The following RUFY3 variants were observed in gnomAD, a reference collection of about 807,000 sequenced individuals.
RUFY3 encodes the protein protein RUFY3.
RUFY3 carries 34 observed loss-of-function variants against 84.0 expected under a neutral mutation model. The observed-to-expected ratio is 0.40, with a 90% CI of 0.31 to 0.54. RUFY3 has a LOEUF of 0.54. Among genes scored for constraint, RUFY3 ranks in the 20% least tolerant of loss-of-function variants. The probability of loss-of-function intolerance (pLI) is 0.39; values close to 1 mark genes in which losing one functional copy is unlikely to be tolerated. For missense variants in RUFY3, 507 were observed against 736.8 expected (o/e 0.69, Z 3.61); for synonymous variants, 242 against 252.9 (o/e 0.96, Z 0.41).
chr4:70,795,828 A>G (rs1731432147), intron 14 of RUFY3, among the ~76,000 whole-genome samples: 1 of 152,188 alleles, frequency 6.6e-6, no homozygotes, highest in Non-Finnish European at 1.5e-5. Flanking sequence ...ATGTTTTAAG[A>G]TTAGGAAACA....
chr4:70,790,209 T>C (rs1730576286), intron 12 of RUFY3: 1 of 152,266 alleles, frequency 6.6e-6, no homozygotes, highest in Admixed American at 6.5e-5. Context: ...TACAATTCAG[T>C]CTGCCCAAAG....
At chr4:70,710,445 C>T (rs969448673) in intron 1 of RUFY3, among the ~76,000 whole-genome samples, 3 of 152,062 alleles carry the variant, frequency 2.0e-5, no homozygotes, top group South Asian at 2.1e-4. Context: ...CCAAGGCAGG[C>T]GGATCACCTG....
At chr4:70,731,840 T>C (rs973772676) in intron 1 of RUFY3, among the ~76,000 whole-genome samples, 8 of 152,182 alleles carry the variant, frequency 5.3e-5, no homozygotes, top group African/African-American at 1.7e-4. Flanking sequence ...GTACTGGGAT[T>C]ACAGGCATGA....
intron 1 of RUFY3, among the ~76,000 whole-genome samples, chr4:70,749,927 A>T (rs1403815754): frequency 6.6e-6 from 1 of 151,898 alleles, no homozygotes; most frequent in Admixed American, 6.6e-5. Flanking sequence ...AAGTGCTGGG[A>T]TTACAGGTGT....
chr4:70,705,085 C>G, exon 1 of RUFY3: 1 of 1,318,284 alleles, frequency 7.6e-7, no homozygotes, highest in Non-Finnish European at 9.6e-7. Flanking sequence ...CCGCCGGCCT[C>G]CCCCGCCGGG....
chr4:70,779,669 G>A (rs79512544), intron 8 of RUFY3, among the ~76,000 whole-genome samples: 6,143 of 140,178 alleles, frequency 0.044, 286 homozygotes, highest in East Asian at 0.22. Flanking sequence ...TGTAACCCCC[G>A]CCCCCCGGGC....
intron 1 of RUFY3, among the ~76,000 whole-genome samples, chr4:70,706,954 A>G (rs1740405943): frequency 6.6e-6 from 1 of 152,214 alleles, no homozygotes. Context: ...CATATTAAGC[A>G]TGCTACTATA....
intron 1 of RUFY3, among the ~76,000 whole-genome samples, chr4:70,755,109 G>C (rs1307037658): frequency 6.6e-6 from 1 of 152,022 alleles, no homozygotes; most frequent in Non-Finnish European, 1.5e-5. Flanking sequence ...TCACTGTGTT[G>C]GCTAGGCTGG....
chr4:70,783,255 A>G, intron 9 of RUFY3, 72 bp downstream of exon 9: 1 of 935,488 alleles, frequency 1.1e-6, no homozygotes, highest in Non-Finnish European at 1.7e-6. Context: ...GGGAGTCTCT[A>G]AAGGACTATT....
At chr4:70,749,008 C>A (rs1722672220) in intron 1 of RUFY3, among the ~76,000 whole-genome samples, 1 of 152,142 alleles carries the variant, frequency 6.6e-6, no homozygotes, top group Admixed American at 6.6e-5. Flanking sequence ...ACAGATCTAA[C>A]CCTTCTAGAT....
At chr4:70,771,062 G>C (rs1337230771) in intron 5 of RUFY3, among the ~76,000 whole-genome samples, 1 of 152,036 alleles carries the variant, frequency 6.6e-6, no homozygotes, top group Non-Finnish European at 1.5e-5. Context: ...AGTTCATGGA[G>C]CCCCAAAATA....
At chr4:70,778,725 A>G (rs1352867624) in intron 8 of RUFY3, among the ~76,000 whole-genome samples, 1 of 151,798 alleles carries the variant, frequency 6.6e-6, no homozygotes, top group Admixed American at 6.6e-5. Context: ...GATTACAGGC[A>G]TACACCACCA....
At chr4:70,778,484 A>C (rs747450287) in intron 8 of RUFY3, 46 bp downstream of exon 8, 7 of 1,028,530 alleles carry the variant, frequency 6.8e-6, no homozygotes, top group Middle Eastern at 2.1e-4. Context: ...TTTAATATGC[A>C]TTAGTAGAAC....
intron 1 of RUFY3, among the ~76,000 whole-genome samples, chr4:70,749,276 G>T (rs1722719729): frequency 6.6e-6 from 1 of 152,088 alleles, no homozygotes; most frequent in Non-Finnish European, 1.5e-5. Context: ...GAATTCTCAG[G>T]TAAAGGTAAC....
intron 12 of RUFY3, chr4:70,793,474 T>C (rs1731118086): frequency 8.6e-7 from 1 of 1,165,622 alleles, no homozygotes; most frequent in Non-Finnish European, 1.1e-6. Context: ...GCTTTGGATA[T>C]GGATTTTCTA....
chr4:70,743,345 T>TTG (rs1721628460), intron 1 of RUFY3, among the ~76,000 whole-genome samples: 1 of 152,172 alleles, frequency 6.6e-6, no homozygotes, highest in South Asian at 2.1e-4. Context: ...GTGCTGGGAT[T>TTG]ACAAGTGTGA....
intron 1 of RUFY3, among the ~76,000 whole-genome samples, chr4:70,727,787 CAAAA>C (rs1228588349): frequency 1.2e-5 from 1 of 84,712 alleles, no homozygotes. Context: ...AACTCTGTCT[CAAAA>C]AAAAAAAAAA....
chr4:70,715,885 G>A (rs761189559), intron 1 of RUFY3, among the ~76,000 whole-genome samples: 30 of 152,080 alleles, frequency 2.0e-4, no homozygotes, highest in Non-Finnish European at 2.8e-4. Context: ...AGGCCAAGGC[G>A]GGCAGATCAC....
chr4:70,793,306 G>A (rs535657262), intron 12 of RUFY3: 2 of 999,078 alleles, frequency 2.0e-6, no homozygotes, highest in East Asian at 1.1e-4. Context: ...TGGTTTGGGG[G>A]AAAGGACAAG....
Sources: allele counts gnomAD v4.1 joint callset (sites outside exome capture counted in the v4.1 genomes callset), GRCh38; gene constraint gnomAD v4.1.1; transcripts MANE v1.5; gene names NCBI Gene and HGNC (gene_info 2026-07-23, HGNC 2026-07-21).